Variants in CLHC1 observed in about 807,000 individuals in gnomAD.
The protein encoded by CLHC1 is clathrin heavy chain linker domain-containing protein 1.
CLHC1 carries 72 observed loss-of-function variants against 69.5 expected under a neutral mutation model. That is an observed-to-expected ratio of 1.04 (90% CI 0.86 to 1.26). CLHC1 has a LOEUF of 1.26. Among genes scored for constraint, CLHC1 ranks in the 50% most tolerant of loss-of-function variants. CLHC1 has a pLI of 0.00. For missense variants in CLHC1, 790 were observed against 679.3 expected, an observed-to-expected ratio of 1.16 and a Z score of -1.81; for synonymous variants, 223 against 224.3, an observed-to-expected ratio of 0.99 and a Z score of 0.05.
intron 9 of CLHC1, among the ~76,000 whole-genome samples, chr2:55,194,033 T>C (rs1029475362): frequency 2.0e-5 from 3 of 152,168 alleles, no homozygotes; most frequent in African/African-American, 7.2e-5. Flanking sequence ...ACATAGTGTA[T>C]GATCCCATTC....
At chr2:55,218,216 T>C (rs984310140) in intron 3 of CLHC1, 13 of 337,972 alleles carry the variant, frequency 3.8e-5, no homozygotes, top group African/African-American at 2.7e-4. Context: ...AATGTGGAGT[T>C]TAAATATGAG....
intron 9 of CLHC1, among the ~76,000 whole-genome samples, chr2:55,192,201 C>A (rs13023235): frequency 0.46 from 69,029 of 151,634 alleles, 16,152 homozygotes; most frequent in East Asian, 0.51. Context: ...CTCACTGCAA[C>A]CTTTGCCTCC....
At chr2:55,221,077 C>T (rs1358268656) in intron 3 of CLHC1, among the ~76,000 whole-genome samples, 2 of 152,096 alleles carry the variant, frequency 1.3e-5, no homozygotes, top group Non-Finnish European at 2.9e-5. Flanking sequence ...GAGTGAGGCA[C>T]TAGGTTTTTA....
chr2:55,178,251 C>A (rs1669592806), intron 11 of CLHC1, among the ~76,000 whole-genome samples: 2 of 152,062 alleles, frequency 1.3e-5, no homozygotes, highest in South Asian at 4.1e-4. Flanking sequence ...CTTTCTGTGC[C>A]TTGCACAGAA....
intron 9 of CLHC1, among the ~76,000 whole-genome samples, chr2:55,183,736 C>T (rs1670137290): frequency 6.6e-6 from 1 of 152,170 alleles, no homozygotes; most frequent in African/African-American, 2.4e-5. Context: ...TGGTCTTAAC[C>T]AATAACCCTA....
At chr2:55,208,858 C>G in intron 7 of CLHC1, 148 bp from the exon 8 acceptor site, 1 of 462,396 alleles carries the variant, frequency 2.2e-6, no homozygotes, top group East Asian at 3.5e-5. Flanking sequence ...CTCCCCGTCC[C>G]TTTCCTCTTT....
chr2:55,224,438 G>T, intron 2 of CLHC1: 1 of 422,046 alleles, frequency 2.4e-6, no homozygotes, highest in South Asian at 1.9e-5. Context: ...CTTCACCTCC[G>T]ACAATGTCAG....
intron 4 of CLHC1, chr2:55,215,918 C>G (rs1012923434): frequency 2.0e-5 from 3 of 152,060 alleles, no homozygotes; most frequent in African/African-American, 7.2e-5. Flanking sequence ...ATCTCAACAT[C>G]TAGCCAGCCA....
Position 55,190,237 on chromosome 2 carries a change from C to T in CLHC1, c.1007-8493G>A, listed in dbSNP as rs540618550. Among the ~76,000 whole-genome samples the T allele has an allele frequency of 2.7e-4, 41 of 151,870 alleles. No homozygotes were observed. The South Asian group carries it at 7.3e-3, about 27-fold the overall frequency. On this transcript the variant is annotated intron_variant, in intron 9 of 12. Coordinates refer to ENST00000401408, the MANE Select transcript of CLHC1 (RefSeq NM_152385.4). ...TTTTTTTGTATTTTTTTAGTAGAGA[C>T]GTGGTTTCACCATGTTAGCCAGGTT... is the stretch of plus-strand genomic sequence containing the variant.
At position 55,228,015 on chromosome 2, in the gene CLHC1, C is replaced by T. The variant is rs1674882579; in HGVS notation, c.-83+17G>A. 6.6e-6 allele frequency: 1 copy of T among 152,136 alleles called. No homozygotes were observed. The highest frequency in any genetic ancestry group is 6.6e-5 in the Admixed American group (1 of 15,256). 9.4% of individuals were successfully genotyped at this position (152,136 alleles called of 1,614,324 possible). Reference sequence around the variant, plus strand: ...CCCCAACCCCCAAAACACATACATACTATCACTTTGATTCACCTGGCTTTT... The same window carrying T: ...CCCCAACCCCCAAAACACATACATATTATCACTTTGATTCACCTGGCTTTT... On this transcript the variant is annotated intron_variant, in intron 2 of 12. Coordinates refer to ENST00000401408, the MANE Select transcript of CLHC1 (RefSeq NM_152385.4).
intron 4 of CLHC1, among the ~76,000 whole-genome samples, chr2:55,217,565 A>ATG (rs1376051418): frequency 9.0e-6 from 1 of 110,888 alleles, no homozygotes; most frequent in Non-Finnish European, 1.8e-5. Context: ...ATATATATAT[A>ATG]TATATATATA....
chr2:55,199,694 T>G (rs1432711303), intron 9 of CLHC1, among the ~76,000 whole-genome samples: 1 of 152,148 alleles, frequency 6.6e-6, no homozygotes, highest in Non-Finnish European at 1.5e-5. Context: ...TTATAAGATA[T>G]TATTTGCAAG....
intron 9 of CLHC1, among the ~76,000 whole-genome samples, chr2:55,183,512 T>TA (rs1558451191): frequency 6.6e-6 from 1 of 152,158 alleles, no homozygotes; most frequent in East Asian, 1.9e-4. Context: ...AGGTATGAAA[T>TA]AAAAAATAGA....
At chr2:55,208,313 T>C (rs1463259213) in intron 8 of CLHC1, among the ~76,000 whole-genome samples, 1 of 152,184 alleles carries the variant, frequency 6.6e-6, no homozygotes, top group East Asian at 1.9e-4. Context: ...CATATACACA[T>C]AGCCTGAAGG....
intron 9 of CLHC1, among the ~76,000 whole-genome samples, chr2:55,188,626 T>C (rs922260369): frequency 9.2e-5 from 14 of 152,176 alleles, no homozygotes; most frequent in Non-Finnish European, 1.5e-5. Flanking sequence ...TTTACATACA[T>C]GCACCAGGAT....
chr2:55,227,080 A>G (rs1208717181), intron 2 of CLHC1, among the ~76,000 whole-genome samples: 1 of 152,254 alleles, frequency 6.6e-6, no homozygotes, highest in Non-Finnish European at 1.5e-5. Flanking sequence ...AAGAGGAGAC[A>G]CCAAAATAAT....
chr2:55,226,871 G>T (rs1295614301), intron 2 of CLHC1, among the ~76,000 whole-genome samples: 1 of 152,328 alleles, frequency 6.6e-6, no homozygotes, highest in African/African-American at 2.4e-5. Flanking sequence ...GGCCTCAAGT[G>T]ATCAGCCTGC....
chr2:55,177,845 G>A (rs1436129319), intron 11 of CLHC1, 64 bp from the exon 12 acceptor site: 1 of 1,237,696 alleles, frequency 8.1e-7, no homozygotes, highest in Non-Finnish European at 1.1e-6. Context: ...TAGAAACTAG[G>A]ACTAGCTAAT....
chr2:55,225,291 C>T (rs556399267), intron 2 of CLHC1: 44 of 152,510 alleles, frequency 2.9e-4, no homozygotes, highest in African/African-American at 9.9e-4. Context: ...CAGCAGCTGC[C>T]TTCTGGAGCC....
Sources: gnomAD v4.1 joint callset for allele counts (sites outside exome capture counted in the v4.1 genomes callset) on GRCh38, gnomAD v4.1.1 for gene constraint, MANE v1.5 for transcripts, NCBI Gene and HGNC (gene_info 2026-07-23, HGNC 2026-07-21) for gene names.